The following S100A8 variants were observed in gnomAD, a reference collection of about 807,000 sequenced individuals.
S100A8 encodes protein S100-A8.
In S100A8, 1 loss-of-function variant was observed where a neutral mutation model predicts 4.2. The ratio of observed to expected loss-of-function variants is 0.24; its 90% CI spans 0.08 to 1.12. The LOEUF (loss-of-function observed/expected upper bound fraction) is 1.12. Among genes scored for constraint, S100A8 ranks in the 50% most tolerant of loss-of-function variants. The probability of loss-of-function intolerance (pLI) is 0.53; values close to 1 mark genes in which losing one functional copy is unlikely to be tolerated. For synonymous variants in S100A8, 41 were observed against 44.7 expected, an observed-to-expected ratio of 0.92 and a Z score of 0.33; for missense variants, 96 against 111.8, an observed-to-expected ratio of 0.86 and a Z score of 0.64.
chr1:153,413,313 C>A, the S100A8 span, among the ~76,000 whole-genome samples: 1 of 152,118 alleles, frequency 6.6e-6, no homozygotes, highest in Admixed American at 6.5e-5. Flanking sequence ...CAGGAATCAG[C>A]AAATTATGGT....
chr1:153,399,917 G>A, the S100A8 span, among the ~76,000 whole-genome samples: 1 of 152,226 alleles, frequency 6.6e-6, no homozygotes, highest in African/African-American at 2.4e-5. Flanking sequence ...GGAGTCCACA[G>A]GGTGCACAAT....
chr1:153,419,501 G>A, the S100A8 span: 453 of 645,680 alleles, frequency 7.0e-4, 7 homozygotes, highest in Admixed American at 0.012. Flanking sequence ...CTCCAGCAAC[G>A]TTCCCCCTAT....
At position 153,390,510 on chromosome 1, in the gene S100A8, A is replaced by G. The variant is rs1357566986; in HGVS notation, c.26T>C (p.Leu9Ser). The part of the protein sequence containing the change: MLTELEKA[L>S]NSIIDVYHKY... ...GTGGTAGACGTCGATGATAGAGTTC[A>G]AGGCTTTCTCCAGCTCGGTCAACAT... is the stretch of plus-strand genomic sequence containing the variant. Residue 9 changes from leucine to serine, a missense_variant, in exon 2 of 3, where the codon TTG becomes TCG. Coordinates refer to ENST00000368733, the MANE Select transcript of S100A8 (RefSeq NM_002964.5). 1 of 1,614,068 alleles carries G rather than the reference A, an allele frequency of 6.2e-7. No individual in the cohort carries two copies. Among genetic ancestry groups the G allele is most frequent in the African/African-American group, 1.3e-5 (1 of 74,916 alleles).
upstream of S100A8, among the ~76,000 whole-genome samples, chr1:153,396,008 G>A (rs574577079): frequency 2.6e-5 from 4 of 152,354 alleles, no homozygotes; most frequent in African/African-American, 9.6e-5. Flanking sequence ...CACCTGTGTG[G>A]TGGGTGAGTG....
chr1:153,409,347 A>G, the S100A8 span, among the ~76,000 whole-genome samples: 2 of 152,194 alleles, frequency 1.3e-5, no homozygotes, highest in African/African-American at 4.8e-5. Context: ...GATAAAACAG[A>G]CTTTAAACCA....
At chr1:153,392,675 C>T (rs74115419), upstream of S100A8, among the ~76,000 whole-genome samples, 4,553 of 152,268 alleles carry the variant, frequency 0.03, 217 homozygotes, top group African/African-American at 0.1. Context: ...CCCTGCTGCC[C>T]ACACTCCTCC....
rs534423176 is a variant in S100A8, at chr1:153,390,332, C to G, written c.141+63G>C. ...ATCTATGAAGGGTGGCAGGGAGGAC[C>G]GCTGGCCCAGGGCAGCCCCAGGACC... On this transcript the variant is annotated intron_variant, in intron 2 of 2. Transcript: ENST00000368733. 32 of 1,603,656 alleles carry G rather than the reference C, an allele frequency of 2.0e-5. No individual in the cohort carries two copies. The South Asian group carries it at 3.3e-4, about 17-fold the overall frequency.
chr1:153,403,809 A>G, the S100A8 span, among the ~76,000 whole-genome samples: 1 of 152,158 alleles, frequency 6.6e-6, no homozygotes, highest in African/African-American at 2.4e-5. Context: ...CCCCACACCA[A>G]CCAATTCTCC....
At chr1:153,416,494 T>G in the S100A8 span, 1 of 439,288 alleles carries the variant, frequency 2.3e-6, no homozygotes. Flanking sequence ...CTGAGCCTTA[T>G]AAAGGACTGC....
At chr1:153,391,676 T>C (rs1320204315), upstream of S100A8, among the ~76,000 whole-genome samples, 2 of 152,210 alleles carry the variant, frequency 1.3e-5, no homozygotes, top group African/African-American at 4.8e-5. Context: ...TATCCATTCC[T>C]ACCCTGCTGC....
At chr1:153,422,426 G>T in the S100A8 span, 5 of 801,854 alleles carry the variant, frequency 6.2e-6, no homozygotes, top group Non-Finnish European at 7.5e-6. Flanking sequence ...ACTAGAGCAA[G>T]AATTTACTTG....
At chr1:153,405,761 G>T in the S100A8 span, among the ~76,000 whole-genome samples, 2 of 151,830 alleles carry the variant, frequency 1.3e-5, no homozygotes, top group African/African-American at 4.8e-5. Flanking sequence ...TTTCCATAGA[G>T]CCACCAACTC....
chr1:153,398,854 T>A, the S100A8 span, among the ~76,000 whole-genome samples: 2 of 152,182 alleles, frequency 1.3e-5, no homozygotes, highest in African/African-American at 2.4e-5. Flanking sequence ...GATCACACAA[T>A]GATCCACTTG....
upstream of S100A8, among the ~76,000 whole-genome samples, chr1:153,393,707 T>A (rs1028475895): frequency 6.6e-6 from 1 of 152,242 alleles, no homozygotes; most frequent in Non-Finnish European, 1.5e-5. Context: ...TACTATCCTA[T>A]GTGACCAGCA....
At chr1:153,394,667 A>T (rs1227397353), upstream of S100A8, among the ~76,000 whole-genome samples, 1 of 152,170 alleles carries the variant, frequency 6.6e-6, no homozygotes, top group Non-Finnish European at 1.5e-5. Context: ...CTGAAAGGCA[A>T]ACTAAGCTGA....
chr1:153,418,318 C>T, the S100A8 span: 11 of 1,522,022 alleles, frequency 7.2e-6, no homozygotes, highest in Non-Finnish European at 9.8e-6. Context: ...CCCTCATCCT[C>T]TGATTAAAAA....
the S100A8 span, among the ~76,000 whole-genome samples, chr1:153,412,392 A>G: frequency 6.6e-6 from 1 of 152,256 alleles, no homozygotes; most frequent in African/African-American, 2.4e-5. Flanking sequence ...AATGCTCATC[A>G]CTGGCCATCA....
At chr1:153,415,127 A>G in the S100A8 span, among the ~76,000 whole-genome samples, 5 of 151,846 alleles carry the variant, frequency 3.3e-5, no homozygotes, top group Admixed American at 6.6e-5. Context: ...ATGGTTGAGT[A>G]GTATTCGTCT....
At chr1:153,396,354 T>C in the S100A8 span, among the ~76,000 whole-genome samples, 1 of 152,280 alleles carries the variant, frequency 6.6e-6, no homozygotes, top group Non-Finnish European at 1.5e-5. Context: ...AACTTCTTTT[T>C]CTGGATTGTA....
Sources: gnomAD v4.1 joint callset for allele counts (sites outside exome capture counted in the v4.1 genomes callset) on GRCh38, gnomAD v4.1.1 for gene constraint, MANE v1.5 for transcripts, NCBI Gene and HGNC (gene_info 2026-07-23, HGNC 2026-07-21) for gene names.